Variants in ERBIN observed in about 807,000 individuals in gnomAD.
The protein encoded by ERBIN is densin-180-like protein.
A neutral mutation model predicts 158.4 loss-of-function variants in ERBIN; 60 were observed. The ratio of observed to expected loss-of-function variants is 0.38; its 90% CI spans 0.31 to 0.47. The LOEUF (loss-of-function observed/expected upper bound fraction) is 0.47. Ranked by LOEUF, ERBIN falls within the 20% of genes least tolerant of loss-of-function variation. The pLI is 0.99. For missense variants in ERBIN, 1,610 were observed against 1,648.0 expected (o/e 0.98, Z 0.40); for synonymous variants, 594 against 557.2 (o/e 1.07, Z -0.93).
At position 66,011,929 on chromosome 5, in the gene ERBIN, C is replaced by A. The variant is rs1305006146; in HGVS notation, c.308-120C>A. 1.3e-5 allele frequency: 7 copies of A among 540,172 alleles called. No homozygotes were observed. In the South Asian group the frequency reaches 2.4e-4, roughly 19 times the overall value. The allele number at this position is 540,172 out of a possible 1,614,324, so 33.5% of individuals were successfully genotyped here. On this transcript the variant is annotated intron_variant, in intron 4 of 25. Transcript: ENST00000284037. ...TTAGTTCACATTGATGTTGTCAGTT[C>A]ATCTAGTTCCTTGTTAATTGGTATA...
intron 1 of ERBIN, among the ~76,000 whole-genome samples, chr5:65,942,796 A>G (rs1053405654): frequency 1.3e-5 from 2 of 151,904 alleles, no homozygotes; most frequent in African/African-American, 4.8e-5. Context: ...GTGGTTGCGC[A>G]TGCCTGTAAT....
At chr5:65,957,509 G>C (rs1468261440) in intron 1 of ERBIN, among the ~76,000 whole-genome samples, 1 of 152,038 alleles carries the variant, frequency 6.6e-6, no homozygotes, top group Non-Finnish European at 1.5e-5. Context: ...GACACAGCAC[G>C]TTTCAGAGAG....
At chr5:65,973,427 A>T (rs1320354592) in intron 1 of ERBIN, among the ~76,000 whole-genome samples, 8 of 150,506 alleles carry the variant, frequency 5.3e-5, no homozygotes, top group East Asian at 3.9e-4. Flanking sequence ...AAAATAAATT[A>T]AAAAAAAGAA....
intron 1 of ERBIN, among the ~76,000 whole-genome samples, chr5:65,941,535 T>C (rs184905003): frequency 8.5e-5 from 13 of 152,202 alleles, no homozygotes; most frequent in African/African-American, 3.1e-4. Context: ...TAATCCCCCA[T>C]AGATACTGAG....
intron 14 of ERBIN, among the ~76,000 whole-genome samples, chr5:66,036,406 T>C (rs1011806731): frequency 6.6e-6 from 1 of 152,242 alleles, no homozygotes; most frequent in Non-Finnish European, 1.5e-5. Context: ...CATTCTCATT[T>C]CTCTAAATCA....
chr5:66,048,813 A>C, intron 19 of ERBIN, 32 bp downstream of exon 19: 1 of 1,245,492 alleles, frequency 8.0e-7, no homozygotes, highest in South Asian at 1.5e-5. Flanking sequence ...CTAAGAATAG[A>C]AATTGCCTCA....
intron 14 of ERBIN, among the ~76,000 whole-genome samples, chr5:66,033,763 A>G (rs1290362370): frequency 6.6e-6 from 1 of 152,160 alleles, no homozygotes; most frequent in Non-Finnish European, 1.5e-5. Flanking sequence ...GGATCCTTTA[A>G]TATTGCAGAG....
chr5:66,034,154 T>C (rs1288211606), intron 14 of ERBIN, among the ~76,000 whole-genome samples: 1 of 149,890 alleles, frequency 6.7e-6, no homozygotes, highest in African/African-American at 2.5e-5. Context: ...AGTTGGATAA[T>C]GGATGGAAAC....
intron 1 of ERBIN, among the ~76,000 whole-genome samples, chr5:65,971,462 C>T (rs1275544007): frequency 2.6e-5 from 4 of 151,988 alleles, no homozygotes; most frequent in Admixed American, 2.0e-4. Context: ...AGCTCAAAAG[C>T]TTTGGTATAA....
At chr5:65,973,387 G>C (rs916579954) in intron 1 of ERBIN, among the ~76,000 whole-genome samples, 1 of 150,522 alleles carries the variant, frequency 6.6e-6, no homozygotes, top group African/African-American at 2.5e-5. Context: ...ATGTACCCTA[G>C]AACTTAAAGT....
At chr5:66,072,406 C>T in intron 22 of ERBIN, 115 bp downstream of exon 22, 1 of 1,014,652 alleles carries the variant, frequency 9.9e-7, no homozygotes. Context: ...GCTTTCCCCC[C>T]TTTATTAGTA....
At chr5:65,977,141 G>A (rs1322996923) in intron 1 of ERBIN, among the ~76,000 whole-genome samples, 9 of 148,510 alleles carry the variant, frequency 6.1e-5, no homozygotes, top group Admixed American at 3.3e-4. Flanking sequence ...TGGCCGGGCG[G>A]GGGGCTGACT....
In ERBIN at chr5:65,956,343, T is replaced by G. The variant is rs575085738; in HGVS notation, c.-58+29537T>G. On this transcript the variant is annotated intron_variant, in intron 1 of 25. Coordinates refer to ENST00000284037, the MANE Select transcript of ERBIN (RefSeq NM_001253697.2). ...TTATCTTTTCACTGAACTGGGATGA[T>G]TAATAATCATACAGCATTCTTTCAG... is the stretch of plus-strand genomic sequence containing the variant. Among the ~76,000 whole-genome samples, 10 of 152,052 alleles carry G rather than the reference T, an allele frequency of 6.6e-5. No individual in the cohort carries two copies. The South Asian group carries it at 2.1e-3, about 32-fold the overall frequency.
At chr5:66,072,606 T>C (rs925512853) in intron 22 of ERBIN, among the ~76,000 whole-genome samples, 5 of 152,224 alleles carry the variant, frequency 3.3e-5, no homozygotes, top group Non-Finnish European at 7.4e-5. Context: ...TAAAACTATT[T>C]GGAGAATTGA....
Position 66,072,304 on chromosome 5 carries a change from G to A in ERBIN, c.3756+13G>A. The A allele has an allele frequency of 6.5e-7, 1 of 1,549,396 alleles. No individual in the cohort carries two copies. Among genetic ancestry groups the A allele is most frequent in the Non-Finnish European group, 8.7e-7 (1 of 1,146,472 alleles). ...CAGCTTGATGAAAGTGGGTGCTCGG[G>A]AAAACAAAATGTAGTATCTGTGAGC... On this transcript the variant is annotated intron_variant, in intron 22 of 25. Coordinates refer to ENST00000284037, the MANE Select transcript of ERBIN (RefSeq NM_001253697.2).
intron 1 of ERBIN, among the ~76,000 whole-genome samples, chr5:65,946,765 C>T (rs909517310): frequency 6.6e-6 from 1 of 151,170 alleles, no homozygotes; most frequent in South Asian, 2.1e-4. Flanking sequence ...TTTTCCACAT[C>T]CTAGCCAGCA....
intron 1 of ERBIN, among the ~76,000 whole-genome samples, chr5:65,946,445 C>T (rs1277887646): frequency 1.3e-5 from 2 of 152,096 alleles, no homozygotes; most frequent in African/African-American, 2.4e-5. Context: ...TGGAAGATTC[C>T]AGAGTTGTTG....
At chr5:66,019,460 AT>A (rs908757875) in intron 7 of ERBIN, among the ~76,000 whole-genome samples, 6 of 152,276 alleles carry the variant, frequency 3.9e-5, no homozygotes, top group African/African-American at 1.2e-4. Flanking sequence ...ATACAAATGA[AT>A]TTTAGAAACA....
intron 1 of ERBIN, among the ~76,000 whole-genome samples, chr5:65,939,380 T>C (rs1470909410): frequency 6.6e-6 from 1 of 152,128 alleles, no homozygotes; most frequent in Non-Finnish European, 1.5e-5. Flanking sequence ...GAGGTTGCAG[T>C]GAGCCGAGGT....
Sources: gnomAD v4.1 joint callset for allele counts (sites outside exome capture counted in the v4.1 genomes callset) on GRCh38, gnomAD v4.1.1 for gene constraint, MANE v1.5 for transcripts, NCBI Gene and HGNC (gene_info 2026-07-23, HGNC 2026-07-21) for gene names.